Variants in SLC8A3 observed in about 807,000 individuals in gnomAD.
SLC8A3 encodes the protein sodium/calcium exchanger 3.
A neutral mutation model predicts 65.4 loss-of-function variants in SLC8A3; 37 were observed. That is an observed-to-expected ratio of 0.57 (90% CI 0.44 to 0.74). The LOEUF (loss-of-function observed/expected upper bound fraction) is 0.74, where lower values mean the gene tolerates loss of function less well. Among genes scored for constraint, SLC8A3 ranks in the 30% least tolerant of loss-of-function variants. SLC8A3 has a pLI of 0.00. For synonymous variants in SLC8A3, 461 were observed against 444.5 expected (o/e 1.04, Z -0.47); for missense variants, 1,112 against 1,172.1 (o/e 0.95, Z 0.75).
intron 2 of SLC8A3, among the ~76,000 whole-genome samples, chr14:70,106,474 T>C (rs1224091083): frequency 6.6e-6 from 1 of 152,170 alleles, no homozygotes; most frequent in Non-Finnish European, 1.5e-5. Context: ...TGAGTAATTA[T>C]CTCATACAAT....
chr14:70,110,971 C>T (rs1015019672), intron 2 of SLC8A3, among the ~76,000 whole-genome samples: 4 of 152,308 alleles, frequency 2.6e-5, no homozygotes, highest in South Asian at 2.1e-4. Context: ...TGAGCCACCG[C>T]GCCCGGCTGC....
chr14:70,050,917 T>C, intron 5 of SLC8A3, 91 bp downstream of exon 5: 1 of 773,440 alleles, frequency 1.3e-6, no homozygotes, highest in Non-Finnish European at 2.3e-6. Context: ...CAAGCCTTCC[T>C]AGGGACTGGC....
chr14:70,176,486 C>T (rs1897918163), intron 1 of SLC8A3, among the ~76,000 whole-genome samples: 1 of 152,186 alleles, frequency 6.6e-6, no homozygotes, highest in African/African-American at 2.4e-5. Context: ...TTTTAAGATA[C>T]AGACAAGGTT....
chr14:70,097,493 C>A (rs1892266462), intron 2 of SLC8A3, among the ~76,000 whole-genome samples: 1 of 152,312 alleles, frequency 6.6e-6, no homozygotes, highest in South Asian at 2.1e-4. Context: ...CCTGGCTCCA[C>A]TATTAATTAG....
chr14:70,091,444 C>T (rs1168044445), intron 2 of SLC8A3, among the ~76,000 whole-genome samples: 1 of 152,176 alleles, frequency 6.6e-6, no homozygotes, highest in East Asian at 1.9e-4. Context: ...TGGCTCTTCA[C>T]TTTCTTTAAT....
intron 2 of SLC8A3, among the ~76,000 whole-genome samples, chr14:70,108,031 T>C (rs750397027): frequency 6.6e-5 from 10 of 151,616 alleles, no homozygotes; most frequent in Non-Finnish European, 1.3e-4. Context: ...AACTCCCTCA[T>C]GTCCACTTCA....
intron 2 of SLC8A3, among the ~76,000 whole-genome samples, chr14:70,073,666 G>A (rs1890212623): frequency 6.6e-6 from 1 of 152,128 alleles, no homozygotes; most frequent in African/African-American, 2.4e-5. Context: ...AGAGATGTTG[G>A]ATCTCTCTGT....
intron 5 of SLC8A3, among the ~76,000 whole-genome samples, chr14:70,050,478 G>A (rs1414138533): frequency 3.3e-5 from 5 of 152,092 alleles, no homozygotes; most frequent in Non-Finnish European, 5.9e-5. Flanking sequence ...TAGGACTCCC[G>A]GCTGTGCTGT....
At chr14:70,055,355 G>T (rs546513458) in intron 3 of SLC8A3, among the ~76,000 whole-genome samples, 21 of 152,124 alleles carry the variant, frequency 1.4e-4, no homozygotes, top group East Asian at 5.8e-4. Flanking sequence ...CTCACAACAG[G>T]TTTGGTTATT....
chr14:70,182,999 G>A (rs1882887270), intron 1 of SLC8A3, among the ~76,000 whole-genome samples: 1 of 152,182 alleles, frequency 6.6e-6, no homozygotes. Flanking sequence ...AAATCAGGGT[G>A]CAAAGGAAGA....
intron 3 of SLC8A3, 67 bp from the exon 4 acceptor site, chr14:70,052,181 G>A: frequency 6.6e-7 from 1 of 1,516,504 alleles, no homozygotes; most frequent in Non-Finnish European, 8.8e-7. Flanking sequence ...ACAGCTCAGA[G>A]TATTAGGCAT....
chr14:70,081,610 T>C (rs1891057816), intron 2 of SLC8A3, among the ~76,000 whole-genome samples: 1 of 152,186 alleles, frequency 6.6e-6, no homozygotes, highest in South Asian at 2.1e-4. Context: ...ACAGCCATTG[T>C]CTGACCTTGG....
intron 5 of SLC8A3, among the ~76,000 whole-genome samples, chr14:70,050,131 C>A (rs139070458): frequency 5.9e-5 from 9 of 152,184 alleles, no homozygotes; most frequent in African/African-American, 2.2e-4. Flanking sequence ...TCAGTCCCCT[C>A]CTTTGTAAAA....
chr14:70,136,967 T>C (rs567941931), intron 2 of SLC8A3, among the ~76,000 whole-genome samples: 1 of 152,268 alleles, frequency 6.6e-6, no homozygotes, highest in African/African-American at 2.4e-5. Context: ...CTTTATTGAA[T>C]GAAGAAAGCT....
intron 1 of SLC8A3, among the ~76,000 whole-genome samples, chr14:70,178,023 A>G (rs1032751659): frequency 6.6e-6 from 1 of 152,164 alleles, no homozygotes; most frequent in African/African-American, 2.4e-5. Context: ...AATCCATGTA[A>G]GTTGGAGACC....
chr14:70,144,636 A>AG (rs1281365067), intron 2 of SLC8A3, among the ~76,000 whole-genome samples: 1 of 151,556 alleles, frequency 6.6e-6, no homozygotes, highest in Non-Finnish European at 1.5e-5. Context: ...CCTAAAAAAA[A>AG]AAAAAGAAAA....
At chr14:70,088,038 A>G (rs892224025) in intron 2 of SLC8A3, among the ~76,000 whole-genome samples, 6 of 152,218 alleles carry the variant, frequency 3.9e-5, no homozygotes, top group Non-Finnish European at 8.8e-5. Context: ...TAGGTATTAA[A>G]GGTTCTTGAA....
intron 2 of SLC8A3, among the ~76,000 whole-genome samples, chr14:70,088,445 C>T (rs1026234667): frequency 2.1e-4 from 32 of 152,164 alleles, no homozygotes; most frequent in African/African-American, 6.8e-4. Flanking sequence ...TCTCAGGTAA[C>T]GGCTCCTTCC....
chr14:70,065,720 C>T (rs532719291), intron 2 of SLC8A3, among the ~76,000 whole-genome samples: 2 of 152,314 alleles, frequency 1.3e-5, no homozygotes, highest in South Asian at 4.1e-4. Flanking sequence ...AGAGTAACAA[C>T]AATCCCAGTT....
Sources: gnomAD v4.1 joint callset for allele counts (sites outside exome capture counted in the v4.1 genomes callset) on GRCh38, gnomAD v4.1.1 for gene constraint, MANE v1.5 for transcripts, NCBI Gene and HGNC (gene_info 2026-07-23, HGNC 2026-07-21) for gene names.